PPIL4: variants seen among roughly 807,000 people sequenced by gnomAD.
The protein encoded by PPIL4 is peptidyl-prolyl cis-trans isomerase-like 4.
Under a neutral mutation model 69.1 loss-of-function variants are expected in PPIL4, and 50 were observed. The ratio of observed to expected loss-of-function variants is 0.72; its 90% CI spans 0.58 to 0.92. The LOEUF (loss-of-function observed/expected upper bound fraction) is 0.92. Among genes scored for constraint, PPIL4 ranks in the 40% least tolerant of loss-of-function variants. PPIL4 has a pLI of 0.00. For synonymous variants in PPIL4, 193 were observed against 191.6 expected (o/e 1.01, Z -0.06); for missense variants, 480 against 587.9 (o/e 0.82, Z 1.90).
At chr6:149,543,302 A>G (rs760162160) in intron 1 of PPIL4, among the ~76,000 whole-genome samples, 3 of 152,228 alleles carry the variant, frequency 2.0e-5, no homozygotes, top group Non-Finnish European at 4.4e-5. Flanking sequence ...GGACACAAAA[A>G]TATGTTAACG....
At chr6:149,537,337 C>T (rs1010423216) in intron 4 of PPIL4, among the ~76,000 whole-genome samples, 4 of 152,222 alleles carry the variant, frequency 2.6e-5, no homozygotes, top group Non-Finnish European at 5.9e-5. Context: ...TCTTCTGTTA[C>T]ATGCTAATCC....
intron 11 of PPIL4, among the ~76,000 whole-genome samples, chr6:149,516,754 A>C (rs1262489387): frequency 6.6e-6 from 1 of 152,188 alleles, no homozygotes; most frequent in African/African-American, 2.4e-5. Context: ...GTAGAAGCCC[A>C]ATAAATATTT....
rs1225594722 is a variant in PPIL4, at chr6:149,525,274, C to T, written c.804-65G>A. 7 of 769,012 alleles carry T rather than the reference C, an allele frequency of 9.1e-6. No individual in the cohort carries two copies. In the African/African-American group the frequency reaches 1.3e-4, roughly 14 times the overall value. 47.6% of individuals were successfully genotyped at this position (769,012 alleles called of 1,614,324 possible). On this transcript the variant is annotated intron_variant, in intron 8 of 12. Transcript: ENST00000253329. The stretch of plus-strand genomic sequence containing the variant: ...AAGGAAGAAAGCATTCACTCTCACT[C>T]TTCAAAACTGAAGAAGAAATAAGTC...
intron 1 of PPIL4, among the ~76,000 whole-genome samples, chr6:149,544,735 G>A (rs1309653101): frequency 1.3e-5 from 2 of 152,180 alleles, no homozygotes; most frequent in African/African-American, 2.4e-5. Flanking sequence ...TTGTTTAGAA[G>A]AAACAGCAAA....
At chr6:149,537,665 C>G (rs551103089) in intron 4 of PPIL4, among the ~76,000 whole-genome samples, 1 of 151,326 alleles carries the variant, frequency 6.6e-6, no homozygotes, top group East Asian at 1.9e-4. Context: ...GAGATTGCGC[C>G]ACTGCACTCC....
chr6:149,524,913 AG>A (rs1388075562), intron 9 of PPIL4, among the ~76,000 whole-genome samples: 1 of 152,038 alleles, frequency 6.6e-6, no homozygotes, highest in African/African-American at 2.4e-5. Flanking sequence ...AAAAAAAAAA[AG>A]TTCTAAAGAT....
At chr6:149,519,399 C>T (rs905279776) in intron 10 of PPIL4, among the ~76,000 whole-genome samples, 2 of 152,182 alleles carry the variant, frequency 1.3e-5, no homozygotes, top group Non-Finnish European at 2.9e-5. Flanking sequence ...CAGAACTACA[C>T]TGCATCAGGC....
intron 8 of PPIL4, 93 bp downstream of exon 8, chr6:149,526,559 A>G (rs1777110517): frequency 1.7e-5 from 21 of 1,260,098 alleles, no homozygotes; most frequent in Non-Finnish European, 2.3e-5. Context: ...AAATTCGCCT[A>G]GAATTCACAG....
In PPIL4 at chr6:149,521,150, A is replaced by T. The variant is rs199588408; in HGVS notation, c.892T>A (p.Phe298Ile). The change falls in exon 10 of 13, where the codon TTC (phenylalanine) becomes ATC (isoleucine). Residue 298 changes from phenylalanine to isoleucine, a missense_variant. Physicochemically the swap from Phe to Ile is conservative, Grantham distance 21. Coordinates refer to ENST00000253329, the MANE Select transcript of PPIL4 (RefSeq NM_139126.4). The stretch of plus-strand genomic sequence containing the variant: ...ATAAGCACATTGTCCATTTTGAAGA[A>T]TGCTTTCTCACAATCTTCTTCCTGA... The part of the protein sequence containing the change: ...FEKEEDCEKA[F>I]FKMDNVLIDD... 1.3e-6 allele frequency: 2 copies of T among 1,582,786 alleles called. No homozygotes were observed. The highest frequency in any genetic ancestry group is 2.7e-5 in the African/African-American group (2 of 73,950).
chr6:149,545,640 G>A (rs1023048468), intron 1 of PPIL4, among the ~76,000 whole-genome samples: 2 of 152,052 alleles, frequency 1.3e-5, no homozygotes, highest in East Asian at 3.9e-4. Context: ...TGTGCAGCTC[G>A]AATCACACAC....
At position 149,505,673 on chromosome 6, in the gene PPIL4, T is replaced by A. The variant is rs375258157; in HGVS notation, c.1259A>T (p.Tyr420Phe). Residue 420 changes from tyrosine to phenylalanine, a missense_variant, in exon 13 of 13, where the codon TAT becomes TTT. Coordinates refer to ENST00000253329, the MANE Select transcript of PPIL4 (RefSeq NM_139126.4). ...CTCCCAACAGCTTTCTTCTTCTTCATAGTGACCAAACCCCATTTCTCTATA... is the reference window on the plus strand; with the variant it reads ...CTCCCAACAGCTTTCTTCTTCTTCAAAGTGACCAAACCCCATTTCTCTATA... ...DIYREMGFGH[Y>F]EEEESCWEKQ... 53 of 1,613,854 alleles carry A rather than the reference T, an allele frequency of 3.3e-5. No individual in the cohort carries two copies. Among genetic ancestry groups the A allele is most frequent in the Non-Finnish European group, 4.4e-5 (52 of 1,179,870 alleles).
intron 4 of PPIL4, among the ~76,000 whole-genome samples, chr6:149,540,345 G>A (rs954478558): frequency 5.9e-5 from 9 of 152,098 alleles, no homozygotes; most frequent in African/African-American, 1.4e-4. Context: ...GGCCAGGCGC[G>A]GTGGCTCACG....
In PPIL4 at chr6:149,524,089, T is replaced by C. The variant is rs181495075; in HGVS notation, c.870+1054A>G. 1.1e-4 allele frequency among the ~76,000 whole-genome samples: 17 copies of C among 152,312 alleles called. 1 individual carries two copies. The highest frequency in any genetic ancestry group is 3.4e-3 in the Middle Eastern group (1 of 294). ...TTAGAATGAGCTACTACTGGATACATATGAGTCCAAAGTTGCATTAAAAAA... is the reference window on the plus strand; with the variant it reads ...TTAGAATGAGCTACTACTGGATACACATGAGTCCAAAGTTGCATTAAAAAA... On this transcript the variant is annotated intron_variant, in intron 9 of 12. Coordinates refer to ENST00000253329, the MANE Select transcript of PPIL4 (RefSeq NM_139126.4).
Position 149,541,130 on chromosome 6 carries a change from G to A in PPIL4, c.204-71C>T, listed in dbSNP as rs1442491497. On this transcript the variant is annotated intron_variant, in intron 3 of 12. Transcript: ENST00000253329. ...AATACAGAAGTACTAGTAACATACA[G>A]GGTTATCAATTATTTCTTTACAGAA... The A allele has an allele frequency of 1.0e-5, 8 of 780,742 alleles. No individual in the cohort carries two copies. The East Asian group carries it at 1.3e-4, about 13-fold the overall frequency. 48.4% of individuals were successfully genotyped at this position (780,742 alleles called of 1,614,324 possible).
At chr6:149,524,538 A>C (rs1777077872) in intron 9 of PPIL4, among the ~76,000 whole-genome samples, 1 of 152,198 alleles carries the variant, frequency 6.6e-6, no homozygotes, top group African/African-American at 2.4e-5. Context: ...CTATTACTCA[A>C]CTTTATCTCC....
intron 8 of PPIL4, among the ~76,000 whole-genome samples, chr6:149,525,840 C>T (rs1020953478): frequency 6.6e-6 from 1 of 152,166 alleles, no homozygotes; most frequent in African/African-American, 2.4e-5. Context: ...GTGGCTCATA[C>T]CTATAACCCC....
rs9406287 is a variant in PPIL4 at position 149,532,302 on chromosome 6, A to C, written c.678+1156T>G. Among the ~76,000 whole-genome samples the C allele has an allele frequency of 1.6e-4, 24 of 152,384 alleles. No individual in the cohort carries two copies. The East Asian group carries it at 4.6e-3, about 29-fold the overall frequency. ...ATTATCTGAAAACAAAAAGTTTTAAAAAGTATGTTAATCTATTTTCTTCTG... is the reference window on the plus strand; with the variant it reads ...ATTATCTGAAAACAAAAAGTTTTAACAAGTATGTTAATCTATTTTCTTCTG... On this transcript the variant is annotated intron_variant, in intron 7 of 12. Transcript: ENST00000253329.
At chr6:149,508,989 CAAAAT>C (rs1776804103) in intron 12 of PPIL4, among the ~76,000 whole-genome samples, 1 of 151,606 alleles carries the variant, frequency 6.6e-6, no homozygotes, top group Non-Finnish European at 1.5e-5. Flanking sequence ...AAATAAAAAA[CAAAAT>C]AATAAAAAAT....
intron 4 of PPIL4, among the ~76,000 whole-genome samples, chr6:149,539,889 G>C (rs1006296556): frequency 2.0e-5 from 3 of 152,142 alleles, no homozygotes; most frequent in Non-Finnish European, 4.4e-5. Context: ...CAGCACTTTG[G>C]GAGGCCAAGG....
Sources: gnomAD v4.1 joint callset for allele counts (sites outside exome capture counted in the v4.1 genomes callset) on GRCh38, gnomAD v4.1.1 for gene constraint, MANE v1.5 for transcripts, NCBI Gene and HGNC (gene_info 2026-07-23, HGNC 2026-07-21) for gene names.